LSAMP: variants seen among roughly 807,000 people sequenced by gnomAD.
The protein encoded by LSAMP is limbic system associated membrane protein, also known as limbic system-associated membrane protein.
LSAMP carries 7 observed loss-of-function variants against 38.6 expected under a neutral mutation model. The ratio of observed to expected loss-of-function variants is 0.18; its 90% CI spans 0.10 to 0.34. The LOEUF (loss-of-function observed/expected upper bound fraction) is 0.34. LSAMP is among the 10% of genes least tolerant of loss of function. The pLI, the probability that LSAMP is intolerant of heterozygous loss-of-function variation, is 1.00. For missense variants in LSAMP, 313 were observed against 420.0 expected (o/e 0.75, Z 2.23); for synonymous variants, 154 against 166.8 (o/e 0.92, Z 0.59).
chr3:115,909,422 G>A (rs560905082), intron 3 of LSAMP, among the ~76,000 whole-genome samples: 1 of 152,244 alleles, frequency 6.6e-6, no homozygotes, highest in South Asian at 2.1e-4. Flanking sequence ...CAAATGCTCA[G>A]GTATCTTCTG....
intron 3 of LSAMP, among the ~76,000 whole-genome samples, chr3:116,001,391 T>C (rs575670594): frequency 6.6e-6 from 1 of 152,354 alleles, no homozygotes; most frequent in South Asian, 2.1e-4. Flanking sequence ...GTATCTTTTA[T>C]TTCCTTCCAG....
At chr3:116,331,986 TG>T (rs981081087) in intron 1 of LSAMP, among the ~76,000 whole-genome samples, 2 of 151,936 alleles carry the variant, frequency 1.3e-5, no homozygotes, top group African/African-American at 4.8e-5. Context: ...TACAAGAACA[TG>T]CCATCACAAT....
intron 1 of LSAMP, among the ~76,000 whole-genome samples, chr3:116,426,894 A>G (rs138628723): frequency 0.12 from 6,686 of 54,870 alleles, 196 homozygotes; most frequent in Middle Eastern, 0.33. Flanking sequence ...AATCTGCCTC[A>G]AGGTTAAAAA....
intron 1 of LSAMP, among the ~76,000 whole-genome samples, chr3:116,305,213 G>A (rs570683337): frequency 2.0e-5 from 3 of 152,126 alleles, no homozygotes; most frequent in Middle Eastern, 3.4e-3. Context: ...ACAGTTTATT[G>A]TATTTATTGG....
chr3:116,174,364 G>GT (rs1238798420), intron 1 of LSAMP, among the ~76,000 whole-genome samples: 1 of 151,912 alleles, frequency 6.6e-6, no homozygotes, highest in African/African-American at 2.4e-5. Flanking sequence ...AGTAATAGCT[G>GT]TTTAACACAG....
chr3:116,142,005 A>G (rs950833381), intron 1 of LSAMP, among the ~76,000 whole-genome samples: 4 of 152,026 alleles, frequency 2.6e-5, no homozygotes, highest in African/African-American at 9.7e-5. Context: ...GCAGTGCACT[A>G]TAACATCCAA....
chr3:116,147,394 A>G (rs1709514145), intron 1 of LSAMP, among the ~76,000 whole-genome samples: 1 of 151,884 alleles, frequency 6.6e-6, no homozygotes, highest in South Asian at 2.1e-4. Context: ...TCTGTCTGTC[A>G]TCAATGGTAT....
intron 1 of LSAMP, among the ~76,000 whole-genome samples, chr3:116,393,599 C>G (rs909878954): frequency 1.3e-5 from 2 of 152,106 alleles, no homozygotes; most frequent in Non-Finnish European, 2.9e-5. Context: ...CCAGCAGGCC[C>G]GAACAAAAAC....
intron 3 of LSAMP, among the ~76,000 whole-genome samples, chr3:115,954,356 C>T (rs751948192): frequency 1.3e-5 from 2 of 152,116 alleles, no homozygotes; most frequent in Non-Finnish European, 2.9e-5. Context: ...GCACTTAGCT[C>T]TGTGAGATCA....
chr3:115,868,163 T>C (rs1331981404), intron 3 of LSAMP, among the ~76,000 whole-genome samples: 1 of 152,152 alleles, frequency 6.6e-6, no homozygotes, highest in Non-Finnish European at 1.5e-5. Context: ...TCATAGCTAG[T>C]GTCCTGTCTA....
chr3:115,957,754 T>G (rs2107588510), intron 3 of LSAMP, among the ~76,000 whole-genome samples: 1 of 152,294 alleles, frequency 6.6e-6, no homozygotes, highest in South Asian at 2.1e-4. Context: ...CAAGACCATT[T>G]TGTACCTTTC....
chr3:116,400,349 T>C (rs1258816329), intron 1 of LSAMP, among the ~76,000 whole-genome samples: 2 of 152,106 alleles, frequency 1.3e-5, no homozygotes, highest in Admixed American at 6.5e-5. Flanking sequence ...TTGATCTTTC[T>C]TTCCTCTTTC....
At chr3:116,201,802 C>G (rs1213398108) in intron 1 of LSAMP, among the ~76,000 whole-genome samples, 1 of 152,086 alleles carries the variant, frequency 6.6e-6, no homozygotes, top group Admixed American at 6.6e-5. Flanking sequence ...CTTTCCTGAC[C>G]AAGGAAAAGT....
At chr3:116,087,940 C>A (rs1360878746) in intron 1 of LSAMP, among the ~76,000 whole-genome samples, 2 of 148,398 alleles carry the variant, frequency 1.3e-5, no homozygotes, top group African/African-American at 5.0e-5. Flanking sequence ...GTCACCAAGA[C>A]TGGGGAGCAG....
intron 1 of LSAMP, among the ~76,000 whole-genome samples, chr3:116,214,115 A>G (rs1368382041): frequency 6.6e-6 from 1 of 152,130 alleles, no homozygotes; most frequent in Non-Finnish European, 1.5e-5. Context: ...AAGCATACAC[A>G]TCTCATACTG....
At chr3:116,234,703 T>A (rs1174052897) in intron 1 of LSAMP, among the ~76,000 whole-genome samples, 1 of 152,158 alleles carries the variant, frequency 6.6e-6, no homozygotes, top group Admixed American at 6.5e-5. Context: ...TTTTCTTCTC[T>A]ATTTGAATAT....
At position 115,878,453 on chromosome 3, in the gene LSAMP, CTTTTTTTTTTTTTT is replaced by C. The variant is rs3087024; in HGVS notation, c.515-25850_515-25837del. The stretch of plus-strand genomic sequence containing the variant: ...CTTGATACTTTGAGAACATGCTATT[CTTTTTTTTTTTTTT>C]TTTTTTTTTTTTTTGACAGACTCTT... On this transcript the variant is annotated intron_variant, in intron 3 of 6. Transcript: ENST00000490035. 2.5e-4 allele frequency among the ~76,000 whole-genome samples: 14 copies of C among 55,538 alleles called. 2 individuals are homozygous for C. The highest frequency in any genetic ancestry group is 0.014 in the Middle Eastern group (1 of 74). 36.4% of individuals were successfully genotyped at this position (55,538 alleles called of 152,430 possible).
At chr3:116,163,751 T>A (rs1198879569) in intron 1 of LSAMP, among the ~76,000 whole-genome samples, 1 of 151,968 alleles carries the variant, frequency 6.6e-6, no homozygotes, top group Non-Finnish European at 1.5e-5. Flanking sequence ...TTAAAAAAAA[T>A]ATTGATACAA....
chr3:115,988,361 A>G (rs9850406), intron 3 of LSAMP, among the ~76,000 whole-genome samples: 54,849 of 152,126 alleles, frequency 0.36, 9,950 homozygotes, highest in African/African-American at 0.39. Context: ...TGCCAAGACA[A>G]GAAACACTGT....
Sources: gnomAD v4.1 joint callset for allele counts (sites outside exome capture counted in the v4.1 genomes callset) on GRCh38, gnomAD v4.1.1 for gene constraint, MANE v1.5 for transcripts, NCBI Gene and HGNC (gene_info 2026-07-23, HGNC 2026-07-21) for gene names.